The following AHI1 variants were observed in gnomAD, a reference collection of about 807,000 sequenced individuals.
AHI1 encodes Abelson helper integration site 1.
A neutral mutation model predicts 149.3 loss-of-function variants in AHI1; 123 were observed. The observed-to-expected ratio is 0.82, with a 90% CI of 0.71 to 0.96. The LOEUF (loss-of-function observed/expected upper bound fraction) is 0.96, where lower values mean the gene tolerates loss of function less well. Ranked by LOEUF, AHI1 falls within the 40% of genes least tolerant of loss-of-function variation. The pLI is 0.00. For synonymous variants in AHI1, 475 were observed against 459.8 expected (o/e 1.03, Z -0.42); for missense variants, 1,439 against 1,422.7 (o/e 1.01, Z -0.18).
At chr6:135,392,325 T>C (rs1352118463) in intron 23 of AHI1, among the ~76,000 whole-genome samples, 1 of 152,338 alleles carries the variant, frequency 6.6e-6, no homozygotes, top group East Asian at 1.9e-4. Context: ...AATGCTTACT[T>C]TTCTAGCAGT....
At chr6:135,417,689 T>C (rs369546423) in intron 20 of AHI1, among the ~76,000 whole-genome samples, 2 of 152,112 alleles carry the variant, frequency 1.3e-5, no homozygotes, top group African/African-American at 4.8e-5. Context: ...AACTGATTGG[T>C]ATTCAAGGGG....
At chr6:135,336,600 C>T (rs17064434) in intron 24 of AHI1, among the ~76,000 whole-genome samples, 2,669 of 152,230 alleles carry the variant, frequency 0.018, 76 homozygotes, top group African/African-American at 0.061. Flanking sequence ...CCTGCCTTTA[C>T]AATAATCTCC....
chr6:135,416,003 C>T (rs1419452302), intron 20 of AHI1, among the ~76,000 whole-genome samples: 2 of 152,012 alleles, frequency 1.3e-5, no homozygotes, highest in Admixed American at 1.3e-4. Flanking sequence ...AGGAACAGAA[C>T]ACAAAAGGGC....
At chr6:135,359,112 C>T (rs1404250227) in intron 23 of AHI1, among the ~76,000 whole-genome samples, 3 of 150,788 alleles carry the variant, frequency 2.0e-5, no homozygotes, top group African/African-American at 4.9e-5. Context: ...TCTTAAAGTA[C>T]GGTAAAGGAT....
At chr6:135,299,643 T>G (rs2128349850) in intron 27 of AHI1, among the ~76,000 whole-genome samples, 1 of 152,340 alleles carries the variant, frequency 6.6e-6, no homozygotes, top group African/African-American at 2.4e-5. Context: ...TGTTTTGATG[T>G]AAAATTTTTT....
chr6:135,463,014 C>T (rs1790164082), intron 8 of AHI1, 111 bp downstream of exon 8: 1 of 776,838 alleles, frequency 1.3e-6, no homozygotes, highest in African/African-American at 1.8e-5. Flanking sequence ...ACCAAATATC[C>T]TATATTGAAT....
At chr6:135,391,068 C>T (rs1778414844) in intron 23 of AHI1, among the ~76,000 whole-genome samples, 1 of 152,040 alleles carries the variant, frequency 6.6e-6, no homozygotes, top group Non-Finnish European at 1.5e-5. Context: ...ATAGGATTAT[C>T]TGATTTGTTA....
intron 26 of AHI1, among the ~76,000 whole-genome samples, chr6:135,310,026 T>A (rs865911801): frequency 1.3e-5 from 2 of 152,192 alleles, no homozygotes; most frequent in Non-Finnish European, 2.9e-5. Context: ...TATTATTCTT[T>A]AGCAATAGAA....
intron 23 of AHI1, among the ~76,000 whole-genome samples, chr6:135,391,957 A>G (rs1304626142): frequency 3.3e-5 from 5 of 152,280 alleles, no homozygotes; most frequent in African/African-American, 1.2e-4. Flanking sequence ...GAATACTGGG[A>G]TTAGGAAAAC....
intron 5 of AHI1, among the ~76,000 whole-genome samples, chr6:135,469,929 T>C (rs113027690): frequency 0.034 from 5,185 of 152,030 alleles, 145 homozygotes; most frequent in African/African-American, 0.07. Flanking sequence ...AACAAAAATG[T>C]CAACAGCAAC....
In AHI1 at chr6:135,363,636, C is replaced by T. The variant is rs1378442098; in HGVS notation, c.3110-5449G>A. Reference sequence around the variant, plus strand: ...CCCAGTAGGGGCGGCCGGGCAGAGGCGCCCCTCACCTCCCGGACGGGGCGG... The same window carrying T: ...CCCAGTAGGGGCGGCCGGGCAGAGGTGCCCCTCACCTCCCGGACGGGGCGG... On this transcript the variant is annotated intron_variant, in intron 23 of 28. Transcript: ENST00000265602. 4.7e-5 allele frequency among the ~76,000 whole-genome samples: 7 copies of T among 150,210 alleles called. No individual in the cohort carries two copies. In the South Asian group the frequency reaches 8.5e-4, roughly 18 times the overall value.
chr6:135,356,124 C>T (rs186355500), intron 24 of AHI1, among the ~76,000 whole-genome samples: 1 of 152,262 alleles, frequency 6.6e-6, no homozygotes, highest in East Asian at 1.9e-4. Flanking sequence ...CGAGAAGTCA[C>T]TCAGGGTCCC....
chr6:135,472,386 T>C (rs1466137011), intron 5 of AHI1, among the ~76,000 whole-genome samples: 1 of 152,162 alleles, frequency 6.6e-6, no homozygotes, highest in Non-Finnish European at 1.5e-5. Context: ...TTTTGTGGAG[T>C]AGTATTCCAT....
In AHI1 at chr6:135,312,445, T is replaced by C. The variant is rs576282885; in HGVS notation, c.3426+6074A>G. Among the ~76,000 whole-genome samples the C allele has an allele frequency of 3.3e-5, 5 of 151,534 alleles. No individual in the cohort carries two copies. In the East Asian group the frequency reaches 9.7e-4, roughly 29 times the overall value. On this transcript the variant is annotated intron_variant, in intron 26 of 28. Coordinates refer to ENST00000265602, the MANE Select transcript of AHI1 (RefSeq NM_001134831.2). The stretch of plus-strand genomic sequence containing the variant: ...ATGAGAATTGCTTGAACTTGGGAGG[T>C]GGAGGTTGCAGTGAGCTGAGATCTC...
chr6:135,391,935 A>G (rs1160108041), intron 23 of AHI1, among the ~76,000 whole-genome samples: 3 of 152,150 alleles, frequency 2.0e-5, no homozygotes. Context: ...CAACTGGGTG[A>G]ATGGTGCTGT....
chr6:135,387,003 C>T (rs1777704956), intron 23 of AHI1, among the ~76,000 whole-genome samples: 1 of 152,078 alleles, frequency 6.6e-6, no homozygotes, highest in Non-Finnish European at 1.5e-5. Flanking sequence ...CCATTTCAGC[C>T]TCTTGAGCAG....
At chr6:135,326,437 A>T (rs901673937) in intron 24 of AHI1, among the ~76,000 whole-genome samples, 3 of 152,060 alleles carry the variant, frequency 2.0e-5, no homozygotes, top group Non-Finnish European at 2.9e-5. Context: ...CTTCTTTTTT[A>T]AAAAAATTAT....
chr6:135,302,904 C>A (rs1300112460), intron 26 of AHI1: 2 of 857,550 alleles, frequency 2.3e-6, no homozygotes, highest in Non-Finnish European at 3.2e-6. Flanking sequence ...CATGACTGCC[C>A]TTCTTTCCAC....
rs556485009 is a variant in AHI1, at chr6:135,440,707, A to G, written c.1912+1875T>C. Among the ~76,000 whole-genome samples the G allele has an allele frequency of 2.6e-5, 4 of 152,282 alleles. No homozygotes were observed. The South Asian group carries it at 8.3e-4, about 32-fold the overall frequency. On this transcript the variant is annotated intron_variant, in intron 14 of 28. Coordinates refer to ENST00000265602, the MANE Select transcript of AHI1 (RefSeq NM_001134831.2). ...TATTTAAAAATCTCTGTCTAACCAC[A>G]ACGGTGGTCTCTGTCTGACCACGAA... is the stretch of plus-strand genomic sequence containing the variant.
Sources: allele counts gnomAD v4.1 joint callset (sites outside exome capture counted in the v4.1 genomes callset), GRCh38; gene constraint gnomAD v4.1.1; transcripts MANE v1.5; gene names NCBI Gene and HGNC (gene_info 2026-07-23, HGNC 2026-07-21).